The following IL1RAP variants were observed in gnomAD, a reference collection of about 807,000 sequenced individuals.
IL1RAP encodes the protein interleukin-1 receptor accessory protein.
Under a neutral mutation model 60.7 loss-of-function variants are expected in IL1RAP, and 35 were observed. The ratio of observed to expected loss-of-function variants is 0.58; its 90% CI spans 0.44 to 0.76. The LOEUF is 0.76. Among genes scored for constraint, IL1RAP ranks in the 30% least tolerant of loss-of-function variants. IL1RAP has a pLI of 0.00. For missense variants in IL1RAP, 572 were observed against 693.9 expected, an observed-to-expected ratio of 0.82 and a Z score of 1.97; for synonymous variants, 268 against 250.9, an observed-to-expected ratio of 1.07 and a Z score of -0.64.
intron 3 of IL1RAP, among the ~76,000 whole-genome samples, chr3:190,596,519 G>T (rs1291749146): frequency 3.3e-5 from 5 of 152,180 alleles, no homozygotes; most frequent in Admixed American, 2.0e-4. Context: ...GCTGTCAGGA[G>T]CGTGGGTTGG....
chr3:190,530,289 A>T (rs16865562), intron 1 of IL1RAP, among the ~76,000 whole-genome samples: 1 of 152,146 alleles, frequency 6.6e-6, no homozygotes, highest in Admixed American at 6.5e-5. Context: ...CCTATAAGAC[A>T]TGGAGACACA....
At chr3:190,606,000 T>C (rs1024830672) in intron 4 of IL1RAP, among the ~76,000 whole-genome samples, 8 of 152,244 alleles carry the variant, frequency 5.3e-5, no homozygotes, top group African/African-American at 1.9e-4. Context: ...TATGCTTTGG[T>C]AAATGTAAGC....
chr3:190,629,544 T>C (rs1232100510), intron 9 of IL1RAP, 46 bp downstream of exon 9: 1 of 1,567,352 alleles, frequency 6.4e-7, no homozygotes, highest in African/African-American at 1.4e-5. Flanking sequence ...CAAATTAACA[T>C]TGTGGTGAAT....
At chr3:190,593,262 G>A (rs986869340) in intron 3 of IL1RAP, among the ~76,000 whole-genome samples, 5 of 151,966 alleles carry the variant, frequency 3.3e-5, no homozygotes, top group Non-Finnish European at 7.4e-5. Flanking sequence ...TGATGAACAC[G>A]GGTTTGTATG....
At position 190,648,633 on chromosome 3, in the gene IL1RAP, A is replaced by T; in HGVS notation, c.1641A>T (p.Pro547=). 6.2e-7 allele frequency: 1 copy of T among 1,614,200 alleles called. No individual in the cohort carries two copies. The highest frequency in any genetic ancestry group is 8.5e-7 in the Non-Finnish European group (1 of 1,180,024). ...GGAAGCAGCTGCAGGTGGCCATGCC[A>T]GTGAAGAAAAGTCCCAGGCGGTCTA... is the stretch of plus-strand genomic sequence containing the variant. ...RFWKQLQVAM[P]VKKSPRRSSS... is the part of the protein sequence containing the mutation. The change falls in exon 12 of 12, where the codon CCA becomes CCT. Residue 547 remains proline (P), a synonymous_variant. Coordinates refer to ENST00000447382, the MANE Select transcript of IL1RAP (RefSeq NM_002182.4).
At chr3:190,656,170 G>A (rs1232116273), downstream of IL1RAP, 1 of 1,537,254 alleles carries the variant, frequency 6.5e-7, no homozygotes, top group South Asian at 1.2e-5. Context: ...TTTGCGGTTG[G>A]CTCTTCCCCT....
At chr3:190,572,623 A>G (rs1307465095) in intron 3 of IL1RAP, among the ~76,000 whole-genome samples, 1 of 152,174 alleles carries the variant, frequency 6.6e-6, no homozygotes, top group African/African-American at 2.4e-5. Flanking sequence ...TTTTAATACC[A>G]CATTTAAATA....
rs1025613686 is a variant in IL1RAP, at chr3:190,534,011, C to T, written c.-89+19792C>T. Reference sequence around the variant, plus strand: ...AATTGGCTTACTACTCATCTGAAAGCTCTGCTAGTCAAATATGATAATCCT... The same window carrying T: ...AATTGGCTTACTACTCATCTGAAAGTTCTGCTAGTCAAATATGATAATCCT... On this transcript the variant is annotated intron_variant, in intron 1 of 11. Coordinates refer to ENST00000447382, the MANE Select transcript of IL1RAP (RefSeq NM_002182.4). 4.6e-5 allele frequency among the ~76,000 whole-genome samples: 7 copies of T among 151,872 alleles called. 1 individual carries two copies. The highest frequency in any genetic ancestry group is 3.9e-4 in the Admixed American group (6 of 15,256).
intron 9 of IL1RAP, among the ~76,000 whole-genome samples, chr3:190,634,562 C>T (rs972385823): frequency 2.6e-5 from 4 of 151,934 alleles, no homozygotes; most frequent in African/African-American, 9.7e-5. Flanking sequence ...TCTTGTAATG[C>T]TGTGACTAAT....
intron 3 of IL1RAP, among the ~76,000 whole-genome samples, chr3:190,576,941 AAT>A (rs1727518748): frequency 6.6e-6 from 1 of 151,500 alleles, no homozygotes; most frequent in Non-Finnish European, 1.5e-5. Context: ...CTCTACTAAA[AAT>A]ACAAAAAATT....
intron 3 of IL1RAP, among the ~76,000 whole-genome samples, chr3:190,567,801 A>T (rs73886480): frequency 0.043 from 6,491 of 152,216 alleles, 458 homozygotes; most frequent in African/African-American, 0.15. Flanking sequence ...TGTAATACAA[A>T]ATTCAAACCC....
chr3:190,645,665 C>A, intron 10 of IL1RAP, 34 bp from the exon 11 acceptor site: 1 of 1,532,378 alleles, frequency 6.5e-7, no homozygotes, highest in Non-Finnish European at 8.9e-7. Context: ...AGAAACTTTC[C>A]TAATTTACAT....
intron 3 of IL1RAP, among the ~76,000 whole-genome samples, chr3:190,588,664 T>C (rs981824333): frequency 1.3e-5 from 2 of 152,228 alleles, no homozygotes; most frequent in Non-Finnish European, 2.9e-5. Flanking sequence ...TCTATTTTTC[T>C]AAATTTGATT....
At chr3:190,616,635 C>G (rs1328854709) in intron 5 of IL1RAP, among the ~76,000 whole-genome samples, 1 of 152,206 alleles carries the variant, frequency 6.6e-6, no homozygotes, top group Non-Finnish European at 1.5e-5. Context: ...ATACTACTAA[C>G]AGTTCAAACC....
At chr3:190,571,391 C>T (rs968793851) in intron 3 of IL1RAP, among the ~76,000 whole-genome samples, 4 of 151,924 alleles carry the variant, frequency 2.6e-5, no homozygotes, top group African/African-American at 9.7e-5. Context: ...TGATGCACAC[C>T]TGTAGTCCCA....
Position 190,648,484 on chromosome 3 carries a change from G to T in IL1RAP, c.1492G>T (p.Val498Phe). ...TATGGCCTCTCGGGGCAACATCAAC[G>T]TCATTTTAGTACAGTACAAAGCTGT... ...ENMASRGNIN[V>F]ILVQYKAVKE... Residue 498 changes from valine (V) to phenylalanine (F), a missense_variant, in exon 12 of 12, where the codon GTC (valine) becomes TTC (phenylalanine). Val to Phe is a conservative substitution (Grantham distance 50). Transcript: ENST00000447382. The T allele has an allele frequency of 6.2e-7, 1 of 1,614,090 alleles. No homozygotes were observed. The highest frequency in any genetic ancestry group is 8.5e-7 in the Non-Finnish European group (1 of 1,180,006).
intron 7 of IL1RAP, chr3:190,624,834 C>T (rs1732098827): frequency 6.2e-6 from 1 of 161,616 alleles, no homozygotes; most frequent in Admixed American, 6.5e-5. Flanking sequence ...TGATGCGTAT[C>T]TCTGGGCCCT....
intron 9 of IL1RAP, among the ~76,000 whole-genome samples, chr3:190,633,342 C>G (rs1335840453): frequency 6.6e-6 from 1 of 151,986 alleles, no homozygotes; most frequent in Non-Finnish European, 1.5e-5. Flanking sequence ...GTTTTTGATG[C>G]TATTGTAATA....
intron 9 of IL1RAP, chr3:190,630,429 C>T (rs942218490): frequency 6.5e-6 from 1 of 152,802 alleles, no homozygotes; most frequent in Admixed American, 6.5e-5. Flanking sequence ...ATTCAGAATC[C>T]TCCTGGCTCC....
Sources: allele counts gnomAD v4.1 joint callset (sites outside exome capture counted in the v4.1 genomes callset), GRCh38; gene constraint gnomAD v4.1.1; transcripts MANE v1.5; gene names NCBI Gene and HGNC (gene_info 2026-07-23, HGNC 2026-07-21).